SLCO1C1: variants seen among roughly 807,000 people sequenced by gnomAD.
SLCO1C1 encodes OAT-RP-5.
Under a neutral mutation model 76.4 loss-of-function variants are expected in SLCO1C1, and 70 were observed. The ratio of observed to expected loss-of-function variants is 0.92; its 90% CI spans 0.76 to 1.12. The LOEUF (loss-of-function observed/expected upper bound fraction) is 1.12. SLCO1C1 is among the 50% of genes most tolerant of loss of function. The pLI is 0.00. For missense variants in SLCO1C1, 912 were observed against 823.8 expected, an observed-to-expected ratio of 1.11 and a Z score of -1.31; for synonymous variants, 306 against 286.1, an observed-to-expected ratio of 1.07 and a Z score of -0.70.
rs140740555 is a variant in SLCO1C1, at chr12:20,733,421, T to C, written c.1382+317T>C. Among the ~76,000 whole-genome samples the C allele has an allele frequency of 9.2e-5, 14 of 152,272 alleles. No individual in the cohort carries two copies. In the East Asian group the frequency reaches 2.5e-3, roughly 27 times the overall value. ...ATGCCTCTGTCTATTCTTAATGAAA[T>C]GATGTACATGTGGTTTAAACTAATC... is the stretch of plus-strand genomic sequence containing the variant. On this transcript the variant is annotated intron_variant, in intron 10 of 14. Transcript: ENST00000266509.
At position 20,740,275 on chromosome 12, in the gene SLCO1C1, G is replaced by A; in HGVS notation, c.1640G>A (p.Cys547Tyr). 3 of 1,613,846 alleles carry A rather than the reference G, an allele frequency of 1.9e-6. No homozygotes were observed. The highest frequency in any genetic ancestry group is 1.3e-5 in the African/African-American group (1 of 75,020). Residue 547 changes from cysteine (C) to tyrosine (Y), a missense_variant, in exon 12 of 15, where the codon TGT (cysteine) becomes TAT (tyrosine). Transcript: ENST00000266509. ...IVGRCQKDNGCPQMFLYFLVI... is the reference protein window; with the variant it reads ...IVGRCQKDNGYPQMFLYFLVI... ...GGAAGATGTCAGAAAGACAATGGAT[G>A]TCCCCAAATGTTTCTGTATTTCCTT...
At position 20,699,534 on chromosome 12, in the gene SLCO1C1, A is replaced by G; in HGVS notation, c.-25-18A>G. ...CGTAGTATTTATTTATTTTTACTTTAAAAACTAACTTTGACAGATCAGAGT... is the reference window on the plus strand; with the variant it reads ...CGTAGTATTTATTTATTTTTACTTTGAAAACTAACTTTGACAGATCAGAGT... On this transcript the variant is annotated intron_variant, in intron 1 of 14. Coordinates refer to ENST00000266509, the MANE Select transcript of SLCO1C1 (RefSeq NM_017435.5). 1 of 1,537,178 alleles carries G rather than the reference A, an allele frequency of 6.5e-7. No individual in the cohort carries two copies. Among genetic ancestry groups the G allele is most frequent in the South Asian group, 1.3e-5 (1 of 78,948 alleles).
At chr12:20,711,560 T>C in intron 5 of SLCO1C1, 50 bp downstream of exon 5, 1 of 1,587,144 alleles carries the variant, frequency 6.3e-7, no homozygotes, top group Non-Finnish European at 8.6e-7. Context: ...AAAAAAGACT[T>C]TATATGTGCT....
intron 2 of SLCO1C1, chr12:20,699,923 C>CCA (rs376498197): frequency 5.1e-5 from 20 of 389,068 alleles, no homozygotes; most frequent in African/African-American, 2.3e-4. Context: ...AATGCCCCCC[C>CCA]AAACAGAAAA....
chr12:20,749,899 G>A (rs942653652), intron 13 of SLCO1C1, among the ~76,000 whole-genome samples: 1 of 152,216 alleles, frequency 6.6e-6, no homozygotes, highest in African/African-American at 2.4e-5. Flanking sequence ...AAAAGTGAGT[G>A]TGTATTAAGA....
chr12:20,749,427 T>C (rs1026274370), intron 13 of SLCO1C1, among the ~76,000 whole-genome samples: 62 of 152,250 alleles, frequency 4.1e-4, no homozygotes, highest in African/African-American at 1.4e-3. Context: ...ACTATGACCA[T>C]GGACTGCCAG....
intron 1 of SLCO1C1, among the ~76,000 whole-genome samples, chr12:20,696,230 C>T (rs1946258581): frequency 6.6e-6 from 1 of 152,130 alleles, no homozygotes; most frequent in Non-Finnish European, 1.5e-5. Context: ...ACACACACTC[C>T]TCTGCAGCAA....
chr12:20,731,879 TAAAC>T (rs926874829), intron 9 of SLCO1C1, among the ~76,000 whole-genome samples: 7 of 149,116 alleles, frequency 4.7e-5, no homozygotes, highest in African/African-American at 1.8e-4. Flanking sequence ...TTTTTTTTAC[TAAAC>T]ATTGTGCTGA....
chr12:20,697,726 G>A (rs1005533160), intron 1 of SLCO1C1, among the ~76,000 whole-genome samples: 1 of 151,936 alleles, frequency 6.6e-6, no homozygotes, highest in Non-Finnish European at 1.5e-5. Context: ...TTAACCAATT[G>A]TTGCATCTTT....
At chr12:20,729,690 CA>C (rs1245351525) in intron 9 of SLCO1C1, among the ~76,000 whole-genome samples, 2 of 151,458 alleles carry the variant, frequency 1.3e-5, no homozygotes, top group Admixed American at 6.6e-5. Flanking sequence ...TCTGGGAGAA[CA>C]AACCTAATCT....
chr12:20,706,846 C>G (rs1219072085), intron 4 of SLCO1C1, among the ~76,000 whole-genome samples: 1 of 152,118 alleles, frequency 6.6e-6, no homozygotes, highest in African/African-American at 2.4e-5. Context: ...CTGCCCTTCT[C>G]TGTGTTTATC....
chr12:20,701,513 G>C, intron 3 of SLCO1C1, 54 bp downstream of exon 3: 1 of 1,335,524 alleles, frequency 7.5e-7, no homozygotes, highest in Non-Finnish European at 9.9e-7. Flanking sequence ...TTCTAGGTGT[G>C]GCTAAAGAAC....
chr12:20,745,552 C>G (rs951824294), intron 13 of SLCO1C1, among the ~76,000 whole-genome samples: 2 of 151,998 alleles, frequency 1.3e-5, no homozygotes, highest in East Asian at 1.9e-4. Context: ...AGGCTGGGTG[C>G]GGTGGCTCAT....
At position 20,721,525 on chromosome 12, in the gene SLCO1C1, C is replaced by T. The variant is rs542492473; in HGVS notation, c.776-279C>T. Among the ~76,000 whole-genome samples, 15 of 152,084 alleles carry T rather than the reference C, an allele frequency of 9.9e-5. 1 individual carries two copies. Among genetic ancestry groups the T allele is most frequent in the Admixed American group, 5.9e-4 (9 of 15,276 alleles). On this transcript the variant is annotated intron_variant, in intron 7 of 14. Transcript: ENST00000266509. ...ATGCTGTTGCATACTTAATAGACTA[C>T]AGTATAGTTAAACATAACTTTTGTA...
In SLCO1C1 at chr12:20,747,993, T is replaced by A. The variant is rs1949126203; in HGVS notation, c.1799-2682T>A. ...AGACTACTGTATTTCTTCTATAACA[T>A]GTTTGGTGTGCTCTTCTAATCAAAA... On this transcript the variant is annotated intron_variant, in intron 13 of 14. Coordinates refer to ENST00000266509, the MANE Select transcript of SLCO1C1 (RefSeq NM_017435.5). Among the ~76,000 whole-genome samples, 4 of 152,204 alleles carry A rather than the reference T, an allele frequency of 2.6e-5. No homozygotes were observed. The South Asian group carries it at 8.3e-4, about 31-fold the overall frequency.
chr12:20,732,581 A>T (rs1403321822), intron 9 of SLCO1C1, among the ~76,000 whole-genome samples: 2 of 152,186 alleles, frequency 1.3e-5, no homozygotes, highest in Non-Finnish European at 2.9e-5. Context: ...TTTTATATAC[A>T]ACATTAAAGA....
At chr12:20,705,388 A>G (rs1946723685) in intron 3 of SLCO1C1, among the ~76,000 whole-genome samples, 1 of 151,940 alleles carries the variant, frequency 6.6e-6, no homozygotes, top group Admixed American at 6.6e-5. Context: ...TTTTATTTCT[A>G]TTTTGAGTCT....
chr12:20,732,269 G>C (rs1948313325), intron 9 of SLCO1C1, among the ~76,000 whole-genome samples: 1 of 152,188 alleles, frequency 6.6e-6, no homozygotes, highest in South Asian at 2.1e-4. Context: ...TTCAAATCTG[G>C]TTTGCCCACT....
In SLCO1C1 at chr12:20,741,814, A is replaced by G. The variant is rs571156738; in HGVS notation, c.1733+1446A>G. Among the ~76,000 whole-genome samples, 7 of 152,322 alleles carry G rather than the reference A, an allele frequency of 4.6e-5. No homozygotes were observed. In the South Asian group the frequency reaches 1.5e-3, roughly 32 times the overall value. On this transcript the variant is annotated intron_variant, in intron 12 of 14. Transcript: ENST00000266509. ...TGTACAACTGATAAAAATCACTTAA[A>G]ATAATAAAAATTTTGATAAAATTAT...
Sources: gnomAD v4.1 joint callset for allele counts (sites outside exome capture counted in the v4.1 genomes callset) on GRCh38, gnomAD v4.1.1 for gene constraint, MANE v1.5 for transcripts, NCBI Gene and HGNC (gene_info 2026-07-23, HGNC 2026-07-21) for gene names.